Variants in KANSL1 observed in about 807,000 individuals in gnomAD.
KANSL1 encodes the protein MLL1/MLL complex subunit KANSL1.
In KANSL1, 22 loss-of-function variants were observed where a neutral mutation model predicts 103.6. The ratio of observed to expected loss-of-function variants is 0.21; its 90% CI spans 0.15 to 0.30. The LOEUF is 0.30. Ranked by LOEUF, KANSL1 falls within the 10% of genes least tolerant of loss-of-function variation. KANSL1 has a pLI of 1.00. For synonymous variants in KANSL1, 600 were observed against 527.6 expected (o/e 1.14, Z -1.88); for missense variants, 1,337 against 1,399.8 (o/e 0.96, Z 0.72).
intron 2 of KANSL1, chr17:46,152,778 C>T (rs1301798716): frequency 6.6e-6 from 1 of 152,050 alleles, no homozygotes. Flanking sequence ...CCAAGTAGCC[C>T]TTTTAAAAAA....
intron 4 of KANSL1, among the ~76,000 whole-genome samples, chr17:46,076,880 G>C (rs1369949689): frequency 6.6e-6 from 1 of 152,016 alleles, no homozygotes; most frequent in Non-Finnish European, 1.5e-5. Context: ...TTTATATATT[G>C]ACCCCGTACC....
At chr17:46,224,575 T>C (rs906754297), upstream of KANSL1, 1 of 146,030 alleles carries the variant, frequency 6.8e-6, no homozygotes, top group Non-Finnish European at 1.5e-5. Flanking sequence ...GGAGTGGATG[T>C]GTTCTTGCTA....
intron 3 of KANSL1, among the ~76,000 whole-genome samples, chr17:46,089,460 A>C (rs1364653937): frequency 1.3e-5 from 2 of 151,794 alleles, no homozygotes; most frequent in Non-Finnish European, 2.9e-5. Context: ...AACAAAGTAA[A>C]TCCTTAAAAA....
intron 4 of KANSL1, among the ~76,000 whole-genome samples, 183 bp downstream of exon 4, chr17:46,082,258 T>G (rs1025095366): frequency 1.3e-5 from 2 of 152,198 alleles, no homozygotes; most frequent in Admixed American, 1.3e-4. Context: ...GCTACACAGC[T>G]GCAGGATGGG....
chr17:46,086,345 T>C (rs777450429), intron 3 of KANSL1, among the ~76,000 whole-genome samples: 10 of 152,202 alleles, frequency 6.6e-5, no homozygotes, highest in African/African-American at 1.2e-4. Flanking sequence ...ACAGAGGATG[T>C]AGGTCAAAGC....
chr17:46,039,054 G>T lies in KANSL1; in HGVS notation c.2365C>A (p.Arg789=). The T allele has an allele frequency of 6.2e-7, 1 of 1,611,200 alleles. No individual in the cohort carries two copies. The highest frequency in any genetic ancestry group is 8.5e-7 in the Non-Finnish European group (1 of 1,179,630). The part of the protein sequence containing the change: ...HDPNHSKMRL[R]DHSSERSEVL... ...TCACTTCTCTCAGATGAATGGTCTCGCAATCTCATTTTGCTGTGGTTTGGG... is the reference window on the plus strand; with the variant it reads ...TCACTTCTCTCAGATGAATGGTCTCTCAATCTCATTTTGCTGTGGTTTGGG... Residue 789 remains arginine (R), a synonymous_variant, in exon 9 of 15, where the codon CGA becomes AGA. Coordinates refer to ENST00000432791, the MANE Select transcript of KANSL1 (RefSeq NM_015443.4).
At position 46,068,258 on chromosome 17, in the gene KANSL1, G is replaced by A. The variant is rs567042032; in HGVS notation, c.1534-591C>T. 3.9e-5 allele frequency among the ~76,000 whole-genome samples: 6 copies of A among 152,180 alleles called. No individual in the cohort carries two copies. The South Asian group carries it at 1.2e-3, about 32-fold the overall frequency. ...TAGAAGCTTGTTTTCTAAAAACTAT[G>A]CTTTGTTTAAAAATATACACACAGG... is the stretch of plus-strand genomic sequence containing the variant. On this transcript the variant is annotated intron_variant, in intron 4 of 14. Transcript: ENST00000432791.
intron 2 of KANSL1, among the ~76,000 whole-genome samples, chr17:46,161,271 A>C (rs1473619121): frequency 2.1e-5 from 3 of 146,216 alleles, no homozygotes; most frequent in South Asian, 2.1e-4. Context: ...AAAAAAAAAA[A>C]AAAAAATACA....
At chr17:46,044,015 AG>A (rs1004940046) in intron 7 of KANSL1, 5 of 151,782 alleles carry the variant, frequency 3.3e-5, no homozygotes, top group African/African-American at 1.2e-4. Context: ...AAGATATCTT[AG>A]GAATTGCTGG....
intron 1 of KANSL1, among the ~76,000 whole-genome samples, chr17:46,173,055 T>C (rs1442255560): frequency 2.0e-5 from 3 of 152,218 alleles, no homozygotes; most frequent in Non-Finnish European, 2.9e-5. Context: ...GTAATCTTAT[T>C]ATCAAATCCA....
At chr17:46,190,531 C>T (rs2047265237) in intron 1 of KANSL1, among the ~76,000 whole-genome samples, 1 of 152,210 alleles carries the variant, frequency 6.6e-6, no homozygotes, top group Non-Finnish European at 1.5e-5. Context: ...AAAATCCCAC[C>T]CTACCATAAA....
At chr17:46,113,496 C>A (rs1297540264) in intron 2 of KANSL1, among the ~76,000 whole-genome samples, 1 of 152,158 alleles carries the variant, frequency 6.6e-6, no homozygotes, top group East Asian at 1.9e-4. Context: ...TAAAGTTAGG[C>A]ATATGCAAGC....
chr17:46,116,881 CAA>C (rs1401254367), intron 2 of KANSL1, among the ~76,000 whole-genome samples: 2 of 152,162 alleles, frequency 1.3e-5, no homozygotes, highest in South Asian at 2.1e-4. Context: ...CTGTAGCTTC[CAA>C]AAGAGTGTTT....
chr17:46,135,937 T>A (rs1354745293), intron 2 of KANSL1, among the ~76,000 whole-genome samples: 3 of 152,184 alleles, frequency 2.0e-5, no homozygotes, highest in Non-Finnish European at 4.4e-5. Flanking sequence ...ATCTATTTGA[T>A]TTCAATAAAA....
At chr17:46,212,045 T>G (rs2048183060) in intron 1 of KANSL1, among the ~76,000 whole-genome samples, 1 of 152,204 alleles carries the variant, frequency 6.6e-6, no homozygotes, top group African/African-American at 2.4e-5. Flanking sequence ...AGGAGGCTGG[T>G]TGGTATAGAC....
intron 6 of KANSL1, among the ~76,000 whole-genome samples, chr17:46,058,743 A>ACTCTCTCT (rs756932556): frequency 1.2e-4 from 8 of 68,026 alleles, no homozygotes; most frequent in Non-Finnish European, 1.7e-4. Context: ...ACACACACAC[A>ACTCTCTCT]CTCTCTCTCT....
Position 46,108,551 on chromosome 17 carries a change from A to C in KANSL1, c.1290-13850T>G, listed in dbSNP as rs574109508. On this transcript the variant is annotated intron_variant, in intron 2 of 14. Transcript: ENST00000432791. Reference sequence around the variant, plus strand: ...CTTACTGTCTGTTTCCCCCACTAGAATCATATCCGGAAAACAGAGATTTTT... The same window carrying C: ...CTTACTGTCTGTTTCCCCCACTAGACTCATATCCGGAAAACAGAGATTTTT... 1.2e-4 allele frequency among the ~76,000 whole-genome samples: 18 copies of C among 152,302 alleles called. No individual in the cohort carries two copies. In the South Asian group the frequency reaches 3.5e-3, roughly 30 times the overall value.
chr17:46,143,803 C>CAAAAAAAAAAA (rs57361021), intron 2 of KANSL1, among the ~76,000 whole-genome samples: 279 of 85,504 alleles, frequency 3.3e-3, no homozygotes, highest in Admixed American at 4.4e-3. Flanking sequence ...GACTCCATCT[C>CAAAAAAAAAAA]AAAAAAAAAA....
intron 7 of KANSL1, among the ~76,000 whole-genome samples, chr17:46,049,222 G>A (rs1009538903): frequency 4.7e-5 from 6 of 126,326 alleles, no homozygotes; most frequent in Non-Finnish European, 8.6e-5. Flanking sequence ...TTTATTTGTT[G>A]TCCCCACCAT....
Sources: gnomAD v4.1 joint callset for allele counts (sites outside exome capture counted in the v4.1 genomes callset) on GRCh38, gnomAD v4.1.1 for gene constraint, MANE v1.5 for transcripts, NCBI Gene and HGNC (gene_info 2026-07-23, HGNC 2026-07-21) for gene names.